The following TENM3 variants were observed in gnomAD, a reference collection of about 807,000 sequenced individuals.
TENM3 encodes teneurin-3.
Under a neutral mutation model 255.1 loss-of-function variants are expected in TENM3, and 63 were observed. The ratio of observed to expected loss-of-function variants is 0.25; its 90% confidence interval spans 0.20 to 0.30. TENM3 has a LOEUF of 0.30. TENM3 is among the 10% of genes least tolerant of loss of function. The pLI is 1.00. For missense variants in TENM3, 2,929 were observed against 3,461.1 expected, an observed-to-expected ratio of 0.85 and a Z score of 3.86; for synonymous variants, 1,306 against 1,322.3, an observed-to-expected ratio of 0.99 and a Z score of 0.27.
At chr4:182,536,898 T>C (rs1740384133) in intron 3 of TENM3, among the ~76,000 whole-genome samples, 1 of 152,222 alleles carries the variant, frequency 6.6e-6, no homozygotes, top group Non-Finnish European at 1.5e-5. Context: ...TAAATAGTTT[T>C]TTACTCTATG....
At chr4:182,426,028 A>G (rs1470375240) in intron 3 of TENM3, among the ~76,000 whole-genome samples, 1 of 129,574 alleles carries the variant, frequency 7.7e-6, no homozygotes, top group African/African-American at 2.9e-5. Context: ...AAAAAAAAAA[A>G]AACACTCGAA....
chr4:181,452,257 T>C, the TENM3 span, among the ~76,000 whole-genome samples: 1 of 152,146 alleles, frequency 6.6e-6, no homozygotes. Context: ...GCTGTGAAAT[T>C]GAAGAGATAA....
intron 1 of TENM3, among the ~76,000 whole-genome samples, chr4:182,180,971 A>G (rs868549630): frequency 7.2e-5 from 11 of 152,096 alleles, no homozygotes; most frequent in African/African-American, 1.9e-4. Flanking sequence ...TGACTGAAGA[A>G]GAATTCTTCA....
chr4:181,605,568 AAGAGAG>A, the TENM3 span, among the ~76,000 whole-genome samples: 8,698 of 41,702 alleles, frequency 0.21, 1,655 homozygotes, highest in Middle Eastern at 0.3. Context: ...GAAAGAAAGA[AAGAGAG>A]AGAAAGAAAG....
the TENM3 span, among the ~76,000 whole-genome samples, chr4:181,738,488 A>T: frequency 6.6e-6 from 1 of 152,138 alleles, no homozygotes; most frequent in Non-Finnish European, 1.5e-5. Context: ...CATCGTCTAT[A>T]ACCTTTCTGA....
chr4:182,463,985 A>G (rs1343415225), intron 3 of TENM3, among the ~76,000 whole-genome samples: 1 of 152,172 alleles, frequency 6.6e-6, no homozygotes, highest in Non-Finnish European at 1.5e-5. Context: ...TATTCATTAA[A>G]TGTAACAGAG....
the TENM3 span, among the ~76,000 whole-genome samples, chr4:181,656,631 G>C: frequency 4.6e-5 from 7 of 152,190 alleles, no homozygotes; most frequent in African/African-American, 1.7e-4. Flanking sequence ...GAAGGTGGAT[G>C]TTTAGGAGAC....
chr4:182,760,438 T>C (rs1451767436), intron 22 of TENM3, among the ~76,000 whole-genome samples: 1 of 152,166 alleles, frequency 6.6e-6, no homozygotes, highest in African/African-American at 2.4e-5. Context: ...CCACATCAAA[T>C]ACAAACCGTT....
chr4:181,855,628 A>C, the TENM3 span, among the ~76,000 whole-genome samples: 1 of 152,182 alleles, frequency 6.6e-6, no homozygotes, highest in South Asian at 2.1e-4. Flanking sequence ...TTTGAACTTA[A>C]GGTTATTATT....
At position 182,796,683 on chromosome 4, in the gene TENM3, T is replaced by C; in HGVS notation, c.7260T>C (p.Ala2420=). 2 of 1,613,236 alleles carry C rather than the reference T, an allele frequency of 1.2e-6. No homozygotes were observed. Among genetic ancestry groups the C allele is most frequent in the Non-Finnish European group, 8.5e-7 (1 of 1,179,448 alleles). Reference sequence around the variant, plus strand: ...CATTTGGTTTCCATCTGCACAATGCTATTCCTGGATTCCCTGTTCCCAAAT... The same window carrying C: ...CATTTGGTTTCCATCTGCACAATGCCATTCCTGGATTCCCTGTTCCCAAAT... ...LVTFGFHLHN[A]IPGFPVPKFD... is the part of the protein sequence containing the mutation. The change falls in exon 27 of 28, where the codon GCT becomes GCC. Residue 2420 remains alanine (A), a synonymous_variant. Coordinates refer to ENST00000511685, the MANE Select transcript of TENM3 (RefSeq NM_001080477.4).
At chr4:182,335,450 G>A (rs551158658) in intron 2 of TENM3, among the ~76,000 whole-genome samples, 400 of 122,974 alleles carry the variant, frequency 3.3e-3, no homozygotes, top group African/African-American at 0.011. Context: ...AGCCGAGATC[G>A]CGCCACCGCA....
the TENM3 span, among the ~76,000 whole-genome samples, chr4:181,961,343 A>G: frequency 6.6e-6 from 1 of 152,214 alleles, no homozygotes; most frequent in African/African-American, 2.4e-5. Flanking sequence ...GGATCAATGC[A>G]CTCAGAAACT....
chr4:181,853,811 A>G, the TENM3 span, among the ~76,000 whole-genome samples: 1 of 152,238 alleles, frequency 6.6e-6, no homozygotes, highest in African/African-American at 2.4e-5. Flanking sequence ...TCTGCCCAGC[A>G]TGCTGTAGTA....
At chr4:182,072,586 C>G in the TENM3 span, among the ~76,000 whole-genome samples, 2 of 152,316 alleles carry the variant, frequency 1.3e-5, no homozygotes, top group Middle Eastern at 3.4e-3. Flanking sequence ...TACTTCCACT[C>G]TAGGCATAAT....
chr4:182,213,973 TTTG>T (rs1490364789), intron 1 of TENM3, among the ~76,000 whole-genome samples: 6 of 152,032 alleles, frequency 3.9e-5, no homozygotes, highest in African/African-American at 1.2e-4. Context: ...GGCTAATTTT[TTTG>T]TGTTTTAGTA....
At chr4:182,647,389 C>G (rs376727763) in intron 5 of TENM3, among the ~76,000 whole-genome samples, 18 of 152,192 alleles carry the variant, frequency 1.2e-4, no homozygotes, top group East Asian at 9.6e-4. Context: ...TCTCCATCCT[C>G]CCAAACCCTG....
the TENM3 span, among the ~76,000 whole-genome samples, chr4:181,904,462 T>A: frequency 1.3e-5 from 2 of 152,238 alleles, no homozygotes; most frequent in Admixed American, 6.5e-5. Context: ...CCGATAATTA[T>A]ATAAAACTAG....
In TENM3 at chr4:182,346,880, C is replaced by T; in HGVS notation, c.462C>T (p.Ala154=). ...SSCLSSRSNS[A]LTLTDTEHEN... ...GCCTGTCAAGTCGGTCCAACTCAGC[C>T]CTCACCCTGACAGATACGGAGCACG... Residue 154 remains alanine (A), a synonymous_variant, in exon 3 of 28, where the codon GCC becomes GCT. Transcript: ENST00000511685. The T allele has an allele frequency of 6.2e-7, 1 of 1,613,452 alleles. No homozygotes were observed. Among genetic ancestry groups the T allele is most frequent in the Non-Finnish European group, 8.5e-7 (1 of 1,179,732 alleles).
intron 1 of TENM3, among the ~76,000 whole-genome samples, chr4:182,261,090 G>A (rs888747357): frequency 6.9e-6 from 1 of 145,958 alleles, no homozygotes; most frequent in East Asian, 2.0e-4. Flanking sequence ...TGGCCAGGAT[G>A]GTCTCAATCT....
Sources: allele counts gnomAD v4.1 joint callset (sites outside exome capture counted in the v4.1 genomes callset), GRCh38; gene constraint gnomAD v4.1.1; transcripts MANE v1.5; gene names NCBI Gene and HGNC (gene_info 2026-07-23, HGNC 2026-07-21).